PRAMEF12: variants seen among roughly 807,000 people sequenced by gnomAD.
The protein encoded by PRAMEF12 is PRAME family member 12.
Under a neutral mutation model 24.6 loss-of-function variants are expected in PRAMEF12, and 24 were observed. That is an observed-to-expected ratio of 0.98 (90% CI 0.71 to 1.37). The LOEUF (loss-of-function observed/expected upper bound fraction) is 1.37, where lower values mean the gene tolerates loss of function less well. Ranked by LOEUF, PRAMEF12 falls within the 40% of genes most tolerant of loss-of-function variation. The pLI is 0.00. For synonymous variants in PRAMEF12, 286 were observed against 242.6 expected (o/e 1.18, Z -1.66); for missense variants, 646 against 580.3 (o/e 1.11, Z -1.16).
chr1:12,777,511 C>G lies in PRAMEF12; in HGVS notation c.1364C>G (p.Pro455Arg), dbSNP rs1334649273. 1 of 1,614,144 alleles carries G rather than the reference C, an allele frequency of 6.2e-7. No homozygotes were observed. The highest frequency in any genetic ancestry group is 1.1e-5 in the South Asian group (1 of 91,078). ...AAGATAATTGTGTTCAGCACTGTCC[C>G]CTGCCCTCGCTGTGGCATCAGGGCC... ...QPKIIVFSTVPCPRCGIRASY... is the reference protein window; with the variant it reads ...QPKIIVFSTVRCPRCGIRASY... The change falls in exon 3 of 3, where the codon CCC (proline) becomes CGC (arginine). Residue 455 changes from proline to arginine, a missense_variant. Transcript: ENST00000357726.
At chr1:12,775,264 C>T (rs1236542440) in intron 1 of PRAMEF12, 110 bp downstream of exon 1, 1 of 1,268,796 alleles carries the variant, frequency 7.9e-7, no homozygotes, top group Non-Finnish European at 1.1e-6. Flanking sequence ...TCTGATGGGG[C>T]TGGGGAGGAA....
chr1:12,775,622 TC>T lies in PRAMEF12; in HGVS notation c.371del (p.Pro124GlnfsTer4). On this transcript the variant is annotated frameshift_variant, in exon 2 of 3. Coordinates refer to ENST00000357726, the MANE Select transcript of PRAMEF12 (RefSeq NM_001080830.5). LOFTEE classifies it high-confidence loss of function. ...CATATGGTCTGGAGCTTCTGCACTCTCCCCAGAGGCCCTGAGTAAGAGACGA... is the reference window on the plus strand; with the variant it reads ...CATATGGTCTGGAGCTTCTGCACTCTCCCAGAGGCCCTGAGTAAGAGACGA... Reference protein sequence around the residue: ...WGIWSGASALSPEALSKRRTA... With the variant: ...WGIWSGASALXPEALSKRRTA... 6.2e-7 allele frequency: 1 copy of T among 1,613,852 alleles called. No individual in the cohort carries two copies. Among genetic ancestry groups the T allele is most frequent in the East Asian group, 2.2e-5 (1 of 44,840 alleles).
Position 12,775,835 on chromosome 1 carries a change from A to G in PRAMEF12, c.580A>G (p.Ile194Val), listed in dbSNP as rs1373562053. Reference protein sequence around the residue: ...QIFGIAIHRIIEVLNTVELDC... With the variant: ...QIFGIAIHRIVEVLNTVELDC... ...TTTTGGAATAGCCATCCACAGGATC[A>G]TAGAGGTCCTGAACACGGTGGAGCT... is the stretch of plus-strand genomic sequence containing the variant. Residue 194 changes from isoleucine (I) to valine (V), a missense_variant, in exon 2 of 3, where the codon ATA (isoleucine) becomes GTA (valine). Transcript: ENST00000357726. The G allele has an allele frequency of 2.5e-6, 4 of 1,614,104 alleles. No individual in the cohort carries two copies. The highest frequency in any genetic ancestry group is 3.4e-6 in the Non-Finnish European group (4 of 1,180,022).
Position 12,775,892 on chromosome 1 carries a change from C to T in PRAMEF12, c.637C>T (p.Pro213Ser). Residue 213 changes from proline to serine, a missense_variant, in exon 2 of 3, where the codon CCG (proline) becomes TCG (serine). Pro to Ser is a moderately conservative substitution (Grantham distance 74). Transcript: ENST00000357726. ...TATCCAGGAGGTGGAAGTGTGCTGC[C>T]CGTGGGAGCTGTCCATTCTTATAAG... ...DCIQEVEVCCPWELSILIRFA... is the reference protein window; with the variant it reads ...DCIQEVEVCCSWELSILIRFA... 1 of 1,613,986 alleles carries T rather than the reference C, an allele frequency of 6.2e-7. No homozygotes were observed. Among genetic ancestry groups the T allele is most frequent in the South Asian group, 1.1e-5 (1 of 91,072 alleles).
At chr1:12,776,335 A>G (rs917115731) in intron 2 of PRAMEF12, among the ~76,000 whole-genome samples, 10 of 152,130 alleles carry the variant, frequency 6.6e-5, no homozygotes, top group African/African-American at 2.4e-4. Context: ...GCTAGATGCT[A>G]TAGAGAGGCT....
At position 12,777,007 on chromosome 1, in the gene PRAMEF12, C is replaced by T; in HGVS notation, c.864-4C>T. ...TCCTCTAACTCCTTCTTGTTCTCTC[C>T]CAGGTGTCTCCAGGCCCCCTTGGAG... On this transcript the variant is annotated splice_region_variant and splice_polypyrimidine_tract_variant and intron_variant, in intron 2 of 2. Coordinates refer to ENST00000357726, the MANE Select transcript of PRAMEF12 (RefSeq NM_001080830.5). The T allele has an allele frequency of 6.2e-7, 1 of 1,608,850 alleles. No homozygotes were observed. The highest frequency in any genetic ancestry group is 8.5e-7 in the Non-Finnish European group (1 of 1,177,274).
rs1438066787 is a variant in PRAMEF12 at position 12,775,959 on chromosome 1, T to G, written c.704T>G (p.Leu235Arg). Residue 235 changes from leucine (L) to arginine (R), a missense_variant, in exon 2 of 3, where the codon CTT becomes CGT. By Grantham distance (102) the Leu-to-Arg change is moderately radical. Coordinates refer to ENST00000357726, the MANE Select transcript of PRAMEF12 (RefSeq NM_001080830.5). ...YLGQMRNLRK[L>R]VLFNIHVSAC... Reference sequence around the variant, plus strand: ...GGCCAGATGAGGAATCTCCGCAAACTTGTTCTCTTCAACATCCATGTCTCT... The same window carrying G: ...GGCCAGATGAGGAATCTCCGCAAACGTGTTCTCTTCAACATCCATGTCTCT... The G allele has an allele frequency of 1.2e-5, 19 of 1,614,140 alleles. No homozygotes were observed. The highest frequency in any genetic ancestry group is 1.6e-5 in the Non-Finnish European group (19 of 1,180,022).
At position 12,774,911 on chromosome 1, in the gene PRAMEF12, A is replaced by T. The variant is rs1242727537; in HGVS notation, c.44A>T (p.Gln15Leu). The change falls in exon 1 of 3, where the codon CAG (glutamine) becomes CTG (leucine). Residue 15 changes from glutamine to leucine, a missense_variant. Transcript: ENST00000357726. ...APPRLLELAE[Q>L]SLLRDRALAI... Reference sequence around the variant, plus strand: ...CCTAGACTCCTGGAGCTGGCTGAGCAGAGTCTGCTGAGAGACCGGGCCTTG... The same window carrying T: ...CCTAGACTCCTGGAGCTGGCTGAGCTGAGTCTGCTGAGAGACCGGGCCTTG... 1.2e-6 allele frequency: 2 copies of T among 1,613,692 alleles called. No homozygotes were observed. The highest frequency in any genetic ancestry group is 2.2e-5 in the South Asian group (2 of 91,026).
chr1:12,775,469 C>T lies in PRAMEF12; in HGVS notation c.288-74C>T, dbSNP rs190652376. ...TGGGAGAAGCAGCAGGGAGGAGAGT[C>T]GCTGATGTCCGGGATGTGGATAAAA... On this transcript the variant is annotated intron_variant, in intron 1 of 2. Coordinates refer to ENST00000357726, the MANE Select transcript of PRAMEF12 (RefSeq NM_001080830.5). The T allele has an allele frequency of 4.4e-6, 6 of 1,357,568 alleles. No individual in the cohort carries two copies. The East Asian group carries it at 6.9e-5, about 16-fold the overall frequency. The allele number at this position is 1,357,568 out of a possible 1,614,324, so 84.1% of individuals were successfully genotyped here.
At chr1:12,775,235 C>T in intron 1 of PRAMEF12, 81 bp downstream of exon 1, 2 of 1,458,960 alleles carry the variant, frequency 1.4e-6, no homozygotes, top group South Asian at 2.7e-5. Flanking sequence ...GTGGGAGGCC[C>T]AAGGGTGGCC....
In PRAMEF12 at chr1:12,777,445, G is replaced by C. The variant is rs1349331164; in HGVS notation, c.1298G>C (p.Gly433Ala). 1.2e-6 allele frequency: 2 copies of C among 1,614,052 alleles called. No homozygotes were observed. Among genetic ancestry groups the C allele is most frequent in the Non-Finnish European group, 1.7e-6 (2 of 1,179,976 alleles). The change falls in exon 3 of 3, where the codon GGG (glycine) becomes GCG (alanine). Residue 433 changes from glycine to alanine, a missense_variant. By Grantham distance (60) the Gly-to-Ala change is moderately conservative (BLOSUM62 0). Coordinates refer to ENST00000357726, the MANE Select transcript of PRAMEF12 (RefSeq NM_001080830.5). ...ALCWGRFSQL[G>A]AELMKTLRDL... is the part of the protein sequence containing the mutation. ...TGCTGGGGAAGATTTTCTCAACTTG[G>C]GGCTGAGCTGATGAAGACACTGAGG... is the stretch of plus-strand genomic sequence containing the variant.
In PRAMEF12 at chr1:12,777,430, G is replaced by T; in HGVS notation, c.1283G>T (p.Arg428Ile). 1 of 1,614,028 alleles carries T rather than the reference G, an allele frequency of 6.2e-7. No individual in the cohort carries two copies. The highest frequency in any genetic ancestry group is 1.1e-5 in the South Asian group (1 of 91,068). Residue 428 changes from arginine to isoleucine, a missense_variant, in exon 3 of 3, where the codon AGA becomes ATA. Coordinates refer to ENST00000357726, the MANE Select transcript of PRAMEF12 (RefSeq NM_001080830.5). ...YDAQGALCWG[R>I]FSQLGAELMK... ...GCCCAGGGTGCTCTCTGCTGGGGAA[G>T]ATTTTCTCAACTTGGGGCTGAGCTG...
At chr1:12,776,152 G>T (rs376386156) in intron 2 of PRAMEF12, 34 bp downstream of exon 2, 1 of 1,590,498 alleles carries the variant, frequency 6.3e-7, no homozygotes, top group South Asian at 1.1e-5. Context: ...TCTGCAGACC[G>T]CAGCAAAGAC....
rs769755107 is a variant in PRAMEF12 at position 12,775,103 on chromosome 1, G to T, written c.236G>T (p.Arg79Leu). The T allele has an allele frequency of 6.2e-7, 1 of 1,613,928 alleles. No homozygotes were observed. Among genetic ancestry groups the T allele is most frequent in the African/African-American group, 1.3e-5 (1 of 74,910 alleles). Residue 79 changes from arginine (R) to leucine (L), a missense_variant, in exon 1 of 3, where the codon CGA becomes CTA. Coordinates refer to ENST00000357726, the MANE Select transcript of PRAMEF12 (RefSeq NM_001080830.5). ...AAGTCATGTAATCTAGAGATCTTTC[G>T]AGCTGTGCTGGAGGGGCTTGATGCA... Reference protein sequence around the residue: ...LMKSCNLEIFRAVLEGLDALL... With the variant: ...LMKSCNLEIFLAVLEGLDALL...
At position 12,777,227 on chromosome 1, in the gene PRAMEF12, C is replaced by T. The variant is rs535694060; in HGVS notation, c.1080C>T (p.Ile360=). 17 of 1,612,620 alleles carry T rather than the reference C, an allele frequency of 1.1e-5. No homozygotes were observed. Among genetic ancestry groups the T allele is most frequent in the East Asian group, 2.2e-5 (1 of 44,884 alleles). ...LQTLDLEDCG[I]VDSQLSAILP... Reference sequence around the variant, plus strand: ...CCCTGGACTTAGAGGACTGTGGGATCGTGGATTCCCAACTCAGCGCCATCC... The same window carrying T: ...CCCTGGACTTAGAGGACTGTGGGATTGTGGATTCCCAACTCAGCGCCATCC... The change falls in exon 3 of 3, where the codon ATC becomes ATT. Residue 360 remains isoleucine, a synonymous_variant. Transcript: ENST00000357726.
Position 12,775,664 on chromosome 1 carries a change from C to T in PRAMEF12, c.409C>T (p.Pro137Ser). 1.9e-6 allele frequency: 3 copies of T among 1,613,944 alleles called. No homozygotes were observed. In the South Asian group the frequency reaches 3.3e-5, roughly 18 times the overall value. Residue 137 changes from proline to serine, a missense_variant, in exon 2 of 3, where the codon CCA becomes TCA. Coordinates refer to ENST00000357726, the MANE Select transcript of PRAMEF12 (RefSeq NM_001080830.5). ...LSKRRTAGNC[P>S]RPGGQQPLMV... Reference sequence around the variant, plus strand: ...TAAGAGACGAACAGCAGGGAACTGTCCAAGGCCGGGTGGGCAGCAGCCCTT... The same window carrying T: ...TAAGAGACGAACAGCAGGGAACTGTTCAAGGCCGGGTGGGCAGCAGCCCTT...
Position 12,774,953 on chromosome 1 carries a change from A to G in PRAMEF12, c.86A>G (p.Glu29Gly). The G allele has an allele frequency of 6.2e-7, 1 of 1,613,880 alleles. No homozygotes were observed. Among genetic ancestry groups the G allele is most frequent in the Non-Finnish European group, 8.5e-7 (1 of 1,179,952 alleles). Residue 29 changes from glutamate (E) to glycine (G), a missense_variant, in exon 1 of 3, where the codon GAG becomes GGG. Glu to Gly is a moderately conservative substitution (Grantham distance 98). Coordinates refer to ENST00000357726, the MANE Select transcript of PRAMEF12 (RefSeq NM_001080830.5). ...RDRALAIPTL[E>G]ELPRELFPPL... is the part of the protein sequence containing the mutation. ...CGGGCCTTGGCCATCCCCACCCTGG[A>G]GGAGCTGCCCAGGGAGCTCTTTCCC... is the stretch of plus-strand genomic sequence containing the variant.
rs1160716474 is a variant in PRAMEF12, at chr1:12,774,096, C to T, written c.-772C>T. On this transcript the variant is annotated 5_prime_UTR_variant, in exon 1 of 3. Transcript: ENST00000357726. ...AACTGGTTGAATTTTTATTTCGTGA[C>T]ATTTGAAATAATTGGTTTTTGTGCC... 1.3e-5 allele frequency among the ~76,000 whole-genome samples: 2 copies of T among 152,026 alleles called. No homozygotes were observed. The highest frequency in any genetic ancestry group is 4.8e-5 in the African/African-American group (2 of 41,370).
At position 12,776,300 on chromosome 1, in the gene PRAMEF12, C is replaced by T. The variant is rs554963358; in HGVS notation, c.863+182C>T. 3.3e-5 allele frequency among the ~76,000 whole-genome samples: 5 copies of T among 152,192 alleles called. No individual in the cohort carries two copies. In the South Asian group the frequency reaches 8.3e-4, roughly 25 times the overall value. On this transcript the variant is annotated intron_variant, in intron 2 of 2. Coordinates refer to ENST00000357726, the MANE Select transcript of PRAMEF12 (RefSeq NM_001080830.5). ...CTGAAATAGGTGTCACACATCCATC[C>T]CAATAAGCCAGCGGGATCTCCTGGG...
Sources: gnomAD v4.1 joint callset for allele counts (sites outside exome capture counted in the v4.1 genomes callset) on GRCh38, gnomAD v4.1.1 for gene constraint, MANE v1.5 for transcripts, NCBI Gene and HGNC (gene_info 2026-07-23, HGNC 2026-07-21) for gene names.